The following TRDN variants were observed in gnomAD, a reference collection of about 807,000 sequenced individuals.
The protein encoded by TRDN is triadin, also known as triadin in skeletal muscle.
Under a neutral mutation model 149.7 loss-of-function variants are expected in TRDN, and 161 were observed. That is an observed-to-expected ratio of 1.08 (90% CI 0.95 to 1.23). The LOEUF (loss-of-function observed/expected upper bound fraction) is 1.23, where lower values mean the gene tolerates loss of function less well. Among genes scored for constraint, TRDN ranks in the 50% most tolerant of loss-of-function variants. The pLI is 0.00. For missense variants in TRDN, 896 were observed against 823.5 expected, an observed-to-expected ratio of 1.09 and a Z score of -1.08; for synonymous variants, 294 against 250.5, an observed-to-expected ratio of 1.17 and a Z score of -1.64.
intron 12 of TRDN, 44 bp from the exon 13 acceptor site, chr6:123,393,721 GA>G (rs1315798370): frequency 2.0e-6 from 3 of 1,532,930 alleles, no homozygotes; most frequent in Non-Finnish European, 2.7e-6. Flanking sequence ...TATGATTTTG[GA>G]AAAATATATA....
intron 19 of TRDN, among the ~76,000 whole-genome samples, chr6:123,373,741 G>A (rs930982588): frequency 5.3e-5 from 8 of 152,080 alleles, no homozygotes; most frequent in African/African-American, 7.2e-5. Context: ...CATAGTTTAT[G>A]TTAAATTATC....
At chr6:123,527,785 A>C (rs1014156566) in intron 5 of TRDN, among the ~76,000 whole-genome samples, 18 of 151,890 alleles carry the variant, frequency 1.2e-4, no homozygotes, top group Non-Finnish European at 2.4e-4. Context: ...ATATTTATAA[A>C]ATAAAATAAA....
At chr6:123,347,807 G>A (rs1445847851) in intron 21 of TRDN, among the ~76,000 whole-genome samples, 1 of 151,992 alleles carries the variant, frequency 6.6e-6, no homozygotes, top group Non-Finnish European at 1.5e-5. Flanking sequence ...TTTAAAAAAG[G>A]CAGTGCAAGG....
chr6:123,413,489 A>G (rs1296577903), intron 12 of TRDN, among the ~76,000 whole-genome samples: 1 of 152,200 alleles, frequency 6.6e-6, no homozygotes, highest in Non-Finnish European at 1.5e-5. Context: ...AGAATTGACC[A>G]TTACTCAAAA....
intron 7 of TRDN, among the ~76,000 whole-genome samples, chr6:123,508,805 G>C (rs1240621859): frequency 1.3e-5 from 2 of 152,072 alleles, no homozygotes; most frequent in Non-Finnish European, 2.9e-5. Context: ...AGAAATCACA[G>C]CTCTTCAAAG....
chr6:123,350,426 A>C, intron 21 of TRDN: 1 of 599,766 alleles, frequency 1.7e-6, no homozygotes, highest in Non-Finnish European at 2.1e-6. Context: ...TAAACAAATA[A>C]ATAAAATAAA....
chr6:123,384,612 A>C (rs1385440167), intron 14 of TRDN, among the ~76,000 whole-genome samples: 1 of 152,218 alleles, frequency 6.6e-6, no homozygotes, highest in Non-Finnish European at 1.5e-5. Flanking sequence ...CTAAAATTTT[A>C]ATCTGCCTTT....
At chr6:123,298,468 T>C (rs1778286913) in intron 24 of TRDN, among the ~76,000 whole-genome samples, 1 of 152,042 alleles carries the variant, frequency 6.6e-6, no homozygotes, top group Non-Finnish European at 1.5e-5. Context: ...TAATTTGTAC[T>C]CTCAACATCT....
intron 24 of TRDN, among the ~76,000 whole-genome samples, chr6:123,284,279 A>T (rs754387220): frequency 1.3e-5 from 2 of 151,718 alleles, no homozygotes; most frequent in Non-Finnish European, 2.9e-5. Context: ...AATACTAGCT[A>T]ACCAAATCCA....
At chr6:123,591,815 ACATTAAGGTATTCAT>A (rs1234793457) in intron 1 of TRDN, among the ~76,000 whole-genome samples, 31 of 152,242 alleles carry the variant, frequency 2.0e-4, no homozygotes, top group African/African-American at 6.8e-4. Flanking sequence ...TCTGAAAAGA[ACATTAAGGTATTCAT>A]GCCCATATTT....
chr6:123,350,091 C>A, intron 21 of TRDN: 12 of 976,724 alleles, frequency 1.2e-5, no homozygotes, highest in Non-Finnish European at 1.5e-5. Context: ...CAACAGGCTC[C>A]AACTTTATAC....
At chr6:123,510,345 A>G (rs1779114395) in intron 7 of TRDN, 1 of 152,072 alleles carries the variant, frequency 6.6e-6, no homozygotes, top group African/African-American at 2.4e-5. Context: ...AGTTTTACCT[A>G]AATGGGTAGT....
intron 6 of TRDN, among the ~76,000 whole-genome samples, chr6:123,514,262 T>A (rs1779319285): frequency 6.6e-6 from 1 of 151,936 alleles, no homozygotes; most frequent in African/African-American, 2.4e-5. Context: ...TGCTGAGGCA[T>A]GAGAATCTCT....
chr6:123,342,159 G>A (rs1319073526), intron 21 of TRDN, among the ~76,000 whole-genome samples: 1 of 151,816 alleles, frequency 6.6e-6, no homozygotes, highest in Non-Finnish European at 1.5e-5. Flanking sequence ...TTAGTAGGGT[G>A]CACTTTAGTT....
At position 123,588,991 on chromosome 6, in the gene TRDN, G is replaced by T. The variant is rs139385916; in HGVS notation, c.23-17859C>A. The stretch of plus-strand genomic sequence containing the variant: ...TGTCAGAGGGCACTATGTACAGTGG[G>T]ACAGATTAGGGATAAAAATTAACAG... On this transcript the variant is annotated intron_variant, in intron 1 of 40. Transcript: ENST00000334268. 2.6e-5 allele frequency among the ~76,000 whole-genome samples: 4 copies of T among 152,246 alleles called. No individual in the cohort carries two copies. The East Asian group carries it at 7.7e-4, about 29-fold the overall frequency.
intron 8 of TRDN, among the ~76,000 whole-genome samples, chr6:123,499,718 AAATATAT>A (rs1412887158): frequency 3.5e-4 from 38 of 109,726 alleles, no homozygotes; most frequent in African/African-American, 1.2e-3. Flanking sequence ...AAAAAAAAAA[AAATATAT>A]ATATATATAT....
chr6:123,292,721 G>A (rs1778052782), intron 24 of TRDN, among the ~76,000 whole-genome samples: 1 of 152,038 alleles, frequency 6.6e-6, no homozygotes, highest in South Asian at 2.1e-4. Flanking sequence ...ATCTGTCCAG[G>A]GTTAACCTAT....
intron 7 of TRDN, among the ~76,000 whole-genome samples, chr6:123,507,846 G>A (rs1037494207): frequency 2.6e-5 from 4 of 152,170 alleles, no homozygotes; most frequent in Non-Finnish European, 4.4e-5. Flanking sequence ...GATTCAGAAT[G>A]TCTGATGCCA....
At chr6:123,336,109 A>G (rs1019085226) in intron 22 of TRDN, among the ~76,000 whole-genome samples, 1 of 147,940 alleles carries the variant, frequency 6.8e-6, no homozygotes, top group Non-Finnish European at 1.5e-5. Context: ...CAATGCATCT[A>G]TGCCAAATAG....
Sources: allele counts gnomAD v4.1 joint callset (sites outside exome capture counted in the v4.1 genomes callset), GRCh38; gene constraint gnomAD v4.1.1; transcripts MANE v1.5; gene names NCBI Gene and HGNC (gene_info 2026-07-23, HGNC 2026-07-21).